RABGEF1: variants seen among roughly 807,000 people sequenced by gnomAD.
RABGEF1 encodes the protein RAB guanine nucleotide exchange factor 1.
A neutral mutation model predicts 57.3 loss-of-function variants in RABGEF1; 26 were observed. The ratio of observed to expected loss-of-function variants is 0.45; its 90% CI spans 0.33 to 0.63. The LOEUF (loss-of-function observed/expected upper bound fraction) is 0.63. Among genes scored for constraint, RABGEF1 ranks in the 20% least tolerant of loss-of-function variants. The probability of loss-of-function intolerance (pLI) is 0.02; values close to 1 mark genes in which losing one functional copy is unlikely to be tolerated. For synonymous variants in RABGEF1, 185 were observed against 210.7 expected, an observed-to-expected ratio of 0.88 and a Z score of 1.06; for missense variants, 464 against 607.6, an observed-to-expected ratio of 0.76 and a Z score of 2.48.
intron 1 of RABGEF1, among the ~76,000 whole-genome samples, chr7:66,763,868 T>C (rs921649558): frequency 6.6e-6 from 1 of 152,260 alleles, no homozygotes; most frequent in African/African-American, 2.4e-5. Flanking sequence ...CCACATTTTG[T>C]TTATTAATTC....
At chr7:66,691,003 A>T (rs977275997) in intron 1 of RABGEF1, among the ~76,000 whole-genome samples, 1 of 151,978 alleles carries the variant, frequency 6.6e-6, no homozygotes, top group Non-Finnish European at 1.5e-5. Flanking sequence ...GGGCATGAGA[A>T]TCGCCGGAAC....
At chr7:66,758,119 A>G (rs1435074473) in intron 1 of RABGEF1, among the ~76,000 whole-genome samples, 2 of 152,190 alleles carry the variant, frequency 1.3e-5, no homozygotes, top group African/African-American at 4.8e-5. Flanking sequence ...GGAGAGAGGA[A>G]TGACCTCTGA....
chr7:66,698,137 C>G (rs1309683613), intron 1 of RABGEF1, among the ~76,000 whole-genome samples: 9 of 143,142 alleles, frequency 6.3e-5, no homozygotes, highest in Non-Finnish European at 1.4e-4. Flanking sequence ...TCAGGATAAA[C>G]CTGGAGCTCC....
chr7:66,728,741 T>C (rs201596547), intron 2 of RABGEF1, among the ~76,000 whole-genome samples: 2 of 8,076 alleles, frequency 2.5e-4, no homozygotes, highest in African/African-American at 4.6e-4. Context: ...TTCACCTCCA[T>C]CCTCACCTCG....
intron 2 of RABGEF1, among the ~76,000 whole-genome samples, chr7:66,774,434 G>A (rs532515804): frequency 3.3e-5 from 5 of 152,234 alleles, no homozygotes; most frequent in African/African-American, 1.2e-4. Context: ...AGAATAGTGG[G>A]CTCAGCAATC....
At chr7:66,675,635 A>G in the RABGEF1 span, among the ~76,000 whole-genome samples, 2 of 152,174 alleles carry the variant, frequency 1.3e-5, no homozygotes, top group Non-Finnish European at 2.9e-5. Flanking sequence ...GAAAGGAAGA[A>G]ATAAAATTTT....
intron 2 of RABGEF1, among the ~76,000 whole-genome samples, chr7:66,733,681 G>T (rs1241550842): frequency 6.8e-6 from 1 of 147,990 alleles, no homozygotes; most frequent in Non-Finnish European, 1.5e-5. Flanking sequence ...CTGGGCTACA[G>T]AGTGAGGCTC....
rs1786770317 is a variant in RABGEF1 at position 66,799,370 on chromosome 7, A to G, written c.776A>G (p.Glu259Gly). The G allele has an allele frequency of 2.5e-6, 4 of 1,612,674 alleles. No individual in the cohort carries two copies. Among genetic ancestry groups the G allele is most frequent in the Admixed American group, 1.7e-5 (1 of 59,996 alleles). The change falls in exon 7 of 9, where the codon GAA becomes GGA. Residue 259 changes from glutamate to glycine, a missense_variant. Around this residue, in one of 4 missense-constraint regions of RABGEF1, gnomAD observed 284 missense variants for 389.9 expected, o/e 0.73. Transcript: ENST00000284957. The part of the protein sequence containing the change: ...TPQMLCVPVN[E>G]DIPEVSDMVV... ...CAGATGCTGTGTGTCCCTGTTAATG[A>G]AGACATCCCAGAAGTGTCTGATATG...
chr7:66,703,938 C>A (rs1793649071), intron 1 of RABGEF1, among the ~76,000 whole-genome samples: 1 of 152,156 alleles, frequency 6.6e-6, no homozygotes, highest in Admixed American at 6.6e-5. Context: ...GACGCTTTCC[C>A]ATTTATTTAG....
intron 2 of RABGEF1, among the ~76,000 whole-genome samples, chr7:66,714,781 A>G (rs1456717275): frequency 2.0e-5 from 3 of 152,152 alleles, no homozygotes; most frequent in Admixed American, 6.5e-5. Flanking sequence ...TAAAAATACA[A>G]AAAATTAGCC....
intron 1 of RABGEF1, among the ~76,000 whole-genome samples, chr7:66,706,852 G>C (rs2117331710): frequency 7.1e-6 from 1 of 140,376 alleles, no homozygotes; most frequent in East Asian, 2.2e-4. Flanking sequence ...CGCGATCTCA[G>C]CTCACTGCAA....
At chr7:66,734,291 C>G (rs1158999155) in intron 2 of RABGEF1, among the ~76,000 whole-genome samples, 1 of 152,088 alleles carries the variant, frequency 6.6e-6, no homozygotes. Flanking sequence ...CCCAGGGAAG[C>G]CTGCTCTGGG....
intron 1 of RABGEF1, among the ~76,000 whole-genome samples, chr7:66,691,441 C>T (rs1335293341): frequency 2.6e-5 from 4 of 151,980 alleles, no homozygotes; most frequent in Non-Finnish European, 5.9e-5. Flanking sequence ...GTACTCAGAA[C>T]AAAATATATG....
intron 1 of RABGEF1, among the ~76,000 whole-genome samples, chr7:66,695,851 A>G (rs1279045052): frequency 6.6e-6 from 1 of 152,042 alleles, no homozygotes; most frequent in Non-Finnish European, 1.5e-5. Context: ...CTGTAATTTC[A>G]GCTACTCAGG....
chr7:66,788,746 A>G (rs916409299), intron 4 of RABGEF1, among the ~76,000 whole-genome samples: 5 of 152,040 alleles, frequency 3.3e-5, no homozygotes, highest in African/African-American at 1.2e-4. Context: ...TGGGAAGCCA[A>G]TGCGGGTGGA....
At chr7:66,760,208 C>G (rs1803932729) in intron 1 of RABGEF1, among the ~76,000 whole-genome samples, 1 of 152,144 alleles carries the variant, frequency 6.6e-6, no homozygotes, top group Admixed American at 6.5e-5. Flanking sequence ...ACACTCTTAA[C>G]CTGGAAAAAG....
At chr7:66,797,237 G>A in intron 5 of RABGEF1, 137 bp from the exon 6 acceptor site, 1 of 842,392 alleles carries the variant, frequency 1.2e-6, no homozygotes, top group Non-Finnish European at 1.7e-6. Context: ...CCAGGAGGTG[G>A]AGGTTTCAGT....
intron 2 of RABGEF1, among the ~76,000 whole-genome samples, chr7:66,712,679 C>T (rs1192988628): frequency 6.6e-6 from 1 of 152,090 alleles, no homozygotes; most frequent in Non-Finnish European, 1.5e-5. Context: ...ACCATGTTAC[C>T]CAGATTGGAT....
At chr7:66,693,630 A>C (rs558934060) in intron 1 of RABGEF1, among the ~76,000 whole-genome samples, 1 of 152,262 alleles carries the variant, frequency 6.6e-6, no homozygotes, top group Non-Finnish European at 1.5e-5. Context: ...TTCCACACTT[A>C]CCAGTGCTCA....
Sources: gnomAD v4.1 joint callset for allele counts (sites outside exome capture counted in the v4.1 genomes callset) on GRCh38, gnomAD v4.1.1 for gene constraint, gnomAD v4.1.1 regional missense constraint, MANE v1.5 for transcripts, NCBI Gene and HGNC (gene_info 2026-07-23, HGNC 2026-07-21) for gene names.